Variants in MARCHF1 observed in about 807,000 individuals in gnomAD.
MARCHF1 encodes membrane associated ring-CH-type finger 1.
A neutral mutation model predicts 54.2 loss-of-function variants in MARCHF1; 40 were observed. That is an observed-to-expected ratio of 0.74 (90% CI 0.57 to 0.96). The LOEUF is 0.96. Among genes scored for constraint, MARCHF1 ranks in the 40% least tolerant of loss-of-function variants. The pLI is 0.00. For missense variants in MARCHF1, 586 were observed against 656.5 expected, an observed-to-expected ratio of 0.89 and a Z score of 1.17; for synonymous variants, 236 against 236.3, an observed-to-expected ratio of 1.00 and a Z score of 0.01.
At chr4:164,045,438 G>T (rs1183657881) in intron 2 of MARCHF1, among the ~76,000 whole-genome samples, 1 of 151,906 alleles carries the variant, frequency 6.6e-6, no homozygotes, top group Non-Finnish European at 1.5e-5. Flanking sequence ...CTTGAACCTG[G>T]GAGGTGGTGG....
chr4:163,890,793 C>A (rs765018510), intron 3 of MARCHF1, among the ~76,000 whole-genome samples: 2 of 151,946 alleles, frequency 1.3e-5, no homozygotes, highest in Admixed American at 1.3e-4. Context: ...ATAGGTTTGA[C>A]CCACCGGAAC....
intron 4 of MARCHF1, among the ~76,000 whole-genome samples, chr4:163,849,893 A>G (rs921162771): frequency 1.1e-4 from 16 of 150,718 alleles, no homozygotes; most frequent in African/African-American, 3.6e-4. Context: ...TTAACTTTCT[A>G]TACTGATTAC....
intron 5 of MARCHF1, among the ~76,000 whole-genome samples, chr4:163,619,856 T>C (rs1485945952): frequency 6.6e-6 from 1 of 152,076 alleles, no homozygotes; most frequent in Non-Finnish European, 1.5e-5. Context: ...CCTTTTCTTA[T>C]GATGATGTAA....
At chr4:163,687,169 C>A (rs1379433355) in intron 5 of MARCHF1, among the ~76,000 whole-genome samples, 1 of 151,774 alleles carries the variant, frequency 6.6e-6, no homozygotes, top group Non-Finnish European at 1.5e-5. Flanking sequence ...GAACTGTGAT[C>A]ATCGAGTTAC....
intron 7 of MARCHF1, among the ~76,000 whole-genome samples, chr4:163,594,505 CACAA>C (rs1232133812): frequency 1.3e-5 from 2 of 151,948 alleles, no homozygotes; most frequent in Non-Finnish European, 2.9e-5. Context: ...CACACACACA[CACAA>C]ACACACACAC....
intron 1 of MARCHF1, among the ~76,000 whole-genome samples, chr4:164,242,040 G>A (rs566145686): frequency 3.9e-5 from 6 of 152,314 alleles, no homozygotes; most frequent in East Asian, 3.9e-4. Flanking sequence ...AGGCGGCAGC[G>A]AGGCAGGGGG....
chr4:164,101,087 T>C (rs1174842733), intron 2 of MARCHF1, among the ~76,000 whole-genome samples: 6 of 152,142 alleles, frequency 3.9e-5, no homozygotes, highest in Non-Finnish European at 1.5e-5. Context: ...CAAGATTATA[T>C]CCCGCACCTG....
At chr4:163,730,213 T>A (rs73868678) in intron 4 of MARCHF1, among the ~76,000 whole-genome samples, 2,467 of 152,276 alleles carry the variant, frequency 0.016, 69 homozygotes, top group African/African-American at 0.057. Context: ...TTATTGTACT[T>A]TTCATCTACA....
intron 8 of MARCHF1, among the ~76,000 whole-genome samples, chr4:163,563,104 G>A (rs1214210445): frequency 6.6e-6 from 1 of 152,152 alleles, no homozygotes; most frequent in Non-Finnish European, 1.5e-5. Flanking sequence ...TCTAATACCT[G>A]TAACTGTCTT....
chr4:163,981,172 C>T (rs1049918962), intron 3 of MARCHF1, among the ~76,000 whole-genome samples: 2 of 151,522 alleles, frequency 1.3e-5, no homozygotes, highest in African/African-American at 4.8e-5. Flanking sequence ...CTAAGAAACT[C>T]CCTTTTATTC....
intron 3 of MARCHF1, among the ~76,000 whole-genome samples, chr4:163,936,265 A>T (rs768679733): frequency 5.3e-5 from 8 of 152,332 alleles, no homozygotes. Context: ...TATTGTGAGG[A>T]TTACCAAAAT....
chr4:163,973,425 C>G lies in MARCHF1; in HGVS notation c.-39+15076G>C, dbSNP rs541209977. Among the ~76,000 whole-genome samples, 13 of 152,312 alleles carry G rather than the reference C, an allele frequency of 8.5e-5. No individual in the cohort carries two copies. In the South Asian group the frequency reaches 2.5e-3, roughly 29 times the overall value. ...CTACATGTCCCTCATTATCCAAAAGCTACTCTGGCTTTATCCAATTTTCAA... is the reference window on the plus strand; with the variant it reads ...CTACATGTCCCTCATTATCCAAAAGGTACTCTGGCTTTATCCAATTTTCAA... On this transcript the variant is annotated intron_variant, in intron 3 of 9. Coordinates refer to ENST00000514618, the MANE Select transcript of MARCHF1 (RefSeq NM_001394959.1).
chr4:163,611,260 C>T (rs900989947), intron 7 of MARCHF1, among the ~76,000 whole-genome samples: 14 of 152,116 alleles, frequency 9.2e-5, no homozygotes, highest in African/African-American at 3.4e-4. Flanking sequence ...TTATGAATGA[C>T]TATCCTATAA....
In MARCHF1 at chr4:163,527,820, A is replaced by AATC. The variant is rs762034932; in HGVS notation, c.*925_*927dup. 8.3e-4 allele frequency: 120 copies of AATC among 143,918 alleles called. No homozygotes were observed. The highest frequency in any genetic ancestry group is 2.8e-3 in the African/African-American group (112 of 40,580). The allele number at this position is 143,918 out of a possible 1,614,324, so 8.9% of individuals were successfully genotyped here. A position where few individuals can be genotyped will look rare whatever the true frequency, so the allele number is the denominator to read the frequency against. The stretch of plus-strand genomic sequence containing the variant: ...GTTCAAGAAACAGATGTAAACTATC[A>AATC]ATCAATCAATCAATTTTTTATATTG... On this transcript the variant is annotated 3_prime_UTR_variant, in exon 10 of 10. Coordinates refer to ENST00000514618, the MANE Select transcript of MARCHF1 (RefSeq NM_001394959.1).
rs552822159 is a variant in MARCHF1, at chr4:164,228,746, C to T, written c.-322-117084G>A. Among the ~76,000 whole-genome samples the T allele has an allele frequency of 3.9e-5, 6 of 152,234 alleles. No individual in the cohort carries two copies. The East Asian group carries it at 9.7e-4, about 24-fold the overall frequency. On this transcript the variant is annotated intron_variant, in intron 1 of 9. Coordinates refer to ENST00000514618, the MANE Select transcript of MARCHF1 (RefSeq NM_001394959.1). ...CAGGATTTCTTGACAAAGTTTAGCT[C>T]ATGTGAACAAATGGGTGAAAATCTA...
chr4:163,776,871 A>G (rs971993699), intron 4 of MARCHF1, among the ~76,000 whole-genome samples: 8 of 152,310 alleles, frequency 5.3e-5, no homozygotes, highest in African/African-American at 1.9e-4. Flanking sequence ...TCAAATTAAC[A>G]TGTAGATTAA....
chr4:163,524,766 A>G lies in MARCHF1; in HGVS notation c.*3982T>C, dbSNP rs1738040995. 1 of 152,210 alleles carries G rather than the reference A, an allele frequency of 6.6e-6. No homozygotes were observed. The highest frequency in any genetic ancestry group is 2.4e-5 in the African/African-American group (1 of 41,462). 9.4% of individuals were successfully genotyped at this position (152,210 alleles called of 1,614,324 possible). A position where few individuals can be genotyped will look rare whatever the true frequency, so the allele number is the denominator to read the frequency against. ...TATACAAAGTCTTTCACAGATAATT[A>G]TTTTCTTTTTCTTAATTTGCTTTAG... On this transcript the variant is annotated 3_prime_UTR_variant, in exon 10 of 10. Coordinates refer to ENST00000514618, the MANE Select transcript of MARCHF1 (RefSeq NM_001394959.1).
chr4:163,703,040 C>T (rs1038701279), intron 4 of MARCHF1, among the ~76,000 whole-genome samples: 2 of 152,118 alleles, frequency 1.3e-5, no homozygotes, highest in Non-Finnish European at 2.9e-5. Flanking sequence ...CATTCCTGGA[C>T]TTCAATTTCC....
At chr4:163,765,854 A>T (rs935633790) in intron 4 of MARCHF1, among the ~76,000 whole-genome samples, 1 of 147,874 alleles carries the variant, frequency 6.8e-6, no homozygotes, top group Non-Finnish European at 1.5e-5. Context: ...ATACATATAG[A>T]TATATATACA....
Sources: allele counts gnomAD v4.1 joint callset (sites outside exome capture counted in the v4.1 genomes callset), GRCh38; gene constraint gnomAD v4.1.1; transcripts MANE v1.5; gene names NCBI Gene and HGNC (gene_info 2026-07-23, HGNC 2026-07-21).